The following MAGI2 variants were observed in gnomAD, a reference collection of about 807,000 sequenced individuals.
MAGI2 encodes membrane-associated guanylate kinase, WW and PDZ domain-containing protein 2.
Under a neutral mutation model 133.3 loss-of-function variants are expected in MAGI2, and 35 were observed. The observed-to-expected ratio is 0.26, with a 90% CI of 0.20 to 0.35. The LOEUF is 0.35. Ranked by LOEUF, MAGI2 falls within the 10% of genes least tolerant of loss-of-function variation. The pLI, the probability that MAGI2 is intolerant of heterozygous loss-of-function variation, is 1.00. For synonymous variants in MAGI2, 729 were observed against 710.6 expected, an observed-to-expected ratio of 1.03 and a Z score of -0.41; for missense variants, 1,636 against 1,863.4, an observed-to-expected ratio of 0.88 and a Z score of 2.25.
chr7:79,000,754 T>C (rs1466284127), intron 2 of MAGI2, among the ~76,000 whole-genome samples: 1 of 152,200 alleles, frequency 6.6e-6, no homozygotes, highest in Non-Finnish European at 1.5e-5. Context: ...GTTTTACCCT[T>C]GATAATGCTT....
intron 2 of MAGI2, among the ~76,000 whole-genome samples, chr7:78,690,994 C>T (rs1816901531): frequency 6.6e-6 from 1 of 152,178 alleles, no homozygotes. Flanking sequence ...AGGGTCTTTA[C>T]AATGGCCTTG....
At chr7:79,258,479 ATC>A (rs1833854781) in intron 1 of MAGI2, among the ~76,000 whole-genome samples, 1 of 152,142 alleles carries the variant, frequency 6.6e-6, no homozygotes, top group Non-Finnish European at 1.5e-5. Context: ...CACCTTGCTC[ATC>A]TCTCCATCTT....
At chr7:78,111,017 A>C (rs144102112) in intron 20 of MAGI2, among the ~76,000 whole-genome samples, 41 of 152,306 alleles carry the variant, frequency 2.7e-4, no homozygotes, top group Non-Finnish European at 4.7e-4. Context: ...AGTAGAAGGT[A>C]ACTGGGCAAA....
At chr7:79,432,606 A>G (rs1847850955) in intron 1 of MAGI2, among the ~76,000 whole-genome samples, 1 of 152,152 alleles carries the variant, frequency 6.6e-6, no homozygotes. Context: ...TTCAGAAAAA[A>G]CAAGTACAAG....
intron 2 of MAGI2, among the ~76,000 whole-genome samples, chr7:78,894,600 C>T (rs548508339): frequency 2.6e-3 from 389 of 152,124 alleles, no homozygotes; most frequent in African/African-American, 8.7e-3. Context: ...ACTCATAAGT[C>T]ATCATACTAA....
intron 2 of MAGI2, among the ~76,000 whole-genome samples, chr7:78,957,293 AAAG>A (rs1197056801): frequency 1.3e-5 from 2 of 150,840 alleles, no homozygotes; most frequent in African/African-American, 4.9e-5. Flanking sequence ...AAAGAAAAGA[AAAG>A]AAAAAAAAAT....
intron 16 of MAGI2, 122 bp downstream of exon 16, chr7:78,159,903 T>G: frequency 7.8e-7 from 1 of 1,274,364 alleles, no homozygotes; most frequent in South Asian, 2.0e-5. Flanking sequence ...CCACAGCCTG[T>G]GGCTTTCAGG....
In MAGI2 at chr7:78,365,092, A is replaced by T. The variant is rs138491482; in HGVS notation, c.1103+4064T>A. On this transcript the variant is annotated intron_variant, in intron 7 of 21. Transcript: ENST00000354212. ...TCTACTAATCCAAATGAGGGCCAAC[A>T]TTTCTATGTTAAGGTCCAAACAATA... 4.7e-3 allele frequency among the ~76,000 whole-genome samples: 718 copies of T among 151,996 alleles called. 14 individuals are homozygous for T. Among genetic ancestry groups the T allele is most frequent in the South Asian group, 0.032 (152 of 4,808 alleles).
chr7:78,542,242 A>G (rs1798473275), intron 3 of MAGI2, among the ~76,000 whole-genome samples: 1 of 152,218 alleles, frequency 6.6e-6, no homozygotes, highest in Non-Finnish European at 1.5e-5. Context: ...CTTAGTCCAC[A>G]GGTTATAGTT....
chr7:78,298,471 T>G (rs1390052674), intron 9 of MAGI2, among the ~76,000 whole-genome samples: 1 of 152,180 alleles, frequency 6.6e-6, no homozygotes, highest in Middle Eastern at 3.2e-3. Flanking sequence ...ATATGGGAGC[T>G]CTCTGTACTG....
At chr7:79,038,089 C>G (rs1395994106) in intron 1 of MAGI2, among the ~76,000 whole-genome samples, 1 of 152,154 alleles carries the variant, frequency 6.6e-6, no homozygotes, top group African/African-American at 2.4e-5. Flanking sequence ...CTGATGACAA[C>G]TGTCTAGATT....
intron 16 of MAGI2, among the ~76,000 whole-genome samples, chr7:78,152,027 C>A (rs923357887): frequency 6.6e-6 from 1 of 152,042 alleles, no homozygotes; most frequent in Non-Finnish European, 1.5e-5. Flanking sequence ...CAACTCACAA[C>A]TTTTGTGGGG....
chr7:79,030,670 GGA>G, intron 1 of MAGI2, among the ~76,000 whole-genome samples: 1 of 152,100 alleles, frequency 6.6e-6, no homozygotes, highest in East Asian at 1.9e-4. Context: ...TATATTAATG[GGA>G]GTGGCATTAT....
chr7:78,787,547 A>T (rs1231900379), intron 2 of MAGI2, among the ~76,000 whole-genome samples: 1 of 152,176 alleles, frequency 6.6e-6, no homozygotes, highest in Non-Finnish European at 1.5e-5. Flanking sequence ...TTAAATTTCG[A>T]GTTTAGCCAG....
intron 2 of MAGI2, among the ~76,000 whole-genome samples, chr7:79,005,956 G>A (rs560703597): frequency 1.3e-5 from 2 of 152,238 alleles, no homozygotes; most frequent in Admixed American, 1.3e-4. Flanking sequence ...CATTTAGGAA[G>A]ATTTGATAAT....
At chr7:78,557,097 A>AAAAAAAAAAAAAAAAAAAAAAAAAAAAG (rs1554473311) in intron 3 of MAGI2, among the ~76,000 whole-genome samples, 1 of 138,960 alleles carries the variant, frequency 7.2e-6, no homozygotes, top group African/African-American at 3.0e-5. Flanking sequence ...AAAAAAAAAA[A>AAAAAAAAAAAAAAAAAAAAAAAAAAAAG]AAAGAAAAAG....
Position 78,576,000 on chromosome 7 carries a change from A to C in MAGI2, c.538+51120T>G, listed in dbSNP as rs1802229192. ...GCAAGATAACAGAGAAAATTGGATG[A>C]AAGTTAAACATAAACTCTCTGTACT... On this transcript the variant is annotated intron_variant, in intron 3 of 21. Transcript: ENST00000354212. 2.0e-5 allele frequency among the ~76,000 whole-genome samples: 3 copies of C among 152,146 alleles called. No individual in the cohort carries two copies. The South Asian group carries it at 6.2e-4, about 32-fold the overall frequency.
intron 1 of MAGI2, among the ~76,000 whole-genome samples, chr7:79,345,795 A>C (rs1317508405): frequency 6.6e-6 from 1 of 152,088 alleles, no homozygotes; most frequent in Admixed American, 6.6e-5. Context: ...ATGTAGTCAT[A>C]AGTAGCATCT....
intron 6 of MAGI2, among the ~76,000 whole-genome samples, chr7:78,447,927 A>C (rs921577952): frequency 1.3e-5 from 2 of 152,078 alleles, no homozygotes; most frequent in Non-Finnish European, 2.9e-5. Context: ...ACCTCTCTGC[A>C]CCCTTCCCAG....
Sources: allele counts gnomAD v4.1 joint callset (sites outside exome capture counted in the v4.1 genomes callset), GRCh38; gene constraint gnomAD v4.1.1; transcripts MANE v1.5; gene names NCBI Gene and HGNC (gene_info 2026-07-23, HGNC 2026-07-21).